DIP2C: variants seen among roughly 807,000 people sequenced by gnomAD.
DIP2C encodes DIP2 acetate--CoA ligase C (putative), also known as disco-interacting protein 2 homolog C.
DIP2C carries 33 observed loss-of-function variants against 192.4 expected under a neutral mutation model. That is an observed-to-expected ratio of 0.17 (90% CI 0.13 to 0.23). The LOEUF is 0.23. DIP2C is among the 10% of genes least tolerant of loss of function. DIP2C has a pLI of 1.00. For synonymous variants in DIP2C, 979 were observed against 864.1 expected, an observed-to-expected ratio of 1.13 and a Z score of -2.33; for missense variants, 1,537 against 2,110.1, an observed-to-expected ratio of 0.73 and a Z score of 5.32.
chr10:602,605 C>T (rs920471625), intron 1 of DIP2C, among the ~76,000 whole-genome samples: 4 of 152,186 alleles, frequency 2.6e-5, no homozygotes, highest in African/African-American at 9.7e-5. Context: ...ACCAGATCTG[C>T]AGGCACCTTG....
At position 364,569 on chromosome 10, in the gene DIP2C, G is replaced by C. The variant is rs754610292; in HGVS notation, c.2282C>G (p.Thr761Arg). 1 of 1,613,844 alleles carries C rather than the reference G, an allele frequency of 6.2e-7. No homozygotes were observed. The change falls in exon 20 of 37, where the codon ACA becomes AGA. Residue 761 changes from threonine to arginine, a missense_variant. Around this residue, in one of 4 missense-constraint regions of DIP2C, gnomAD observed 677 missense variants for 989.9 expected, o/e 0.68. Transcript: ENST00000280886. ...TKNTFEVFPM[T>R]SSGAPISEYP... is the part of the protein sequence containing the mutation. ...TTCACTGATCGGAGCCCCGGAGCTT[G>C]TCATGGGAAACACCTGGGGGAAACA...
At chr10:334,183 T>C (rs978924435) in intron 29 of DIP2C, among the ~76,000 whole-genome samples, 1 of 151,936 alleles carries the variant, frequency 6.6e-6, no homozygotes, top group Non-Finnish European at 1.5e-5. Context: ...GGTGCATGCC[T>C]GTACTTCCAG....
At chr10:545,166 C>CCTTTTTTTTTTTTTTGTTTT (rs1554896881) in intron 1 of DIP2C, among the ~76,000 whole-genome samples, 1 of 86,336 alleles carries the variant, frequency 1.2e-5, no homozygotes, top group African/African-American at 5.7e-5. Context: ...GGTGTTTTCC[C>CCTTTTTTTTTTTTTTGTTTT]TTTTTTTTTT....
At chr10:385,553 C>CAG (rs1385257492) in intron 14 of DIP2C, among the ~76,000 whole-genome samples, 1 of 152,194 alleles carries the variant, frequency 6.6e-6, no homozygotes, top group Non-Finnish European at 1.5e-5. Flanking sequence ...CTCTGAATCG[C>CAG]AGGGCTAGGG....
At position 336,620 on chromosome 10, in the gene DIP2C, T is replaced by C. The variant is rs1342571888; in HGVS notation, c.3584+4579A>G. Among the ~76,000 whole-genome samples, 6 of 152,262 alleles carry C rather than the reference T, an allele frequency of 3.9e-5. No individual in the cohort carries two copies. In the East Asian group the frequency reaches 1.2e-3, roughly 29 times the overall value. On this transcript the variant is annotated intron_variant, in intron 29 of 36. Coordinates refer to ENST00000280886, the MANE Select transcript of DIP2C (RefSeq NM_014974.3). Reference sequence around the variant, plus strand: ...TTTATGAATTTACTGTACTTTGTTATTTTACAGCATCCTCCTACTTATAAA... The same window carrying C: ...TTTATGAATTTACTGTACTTTGTTACTTTACAGCATCCTCCTACTTATAAA...
chr10:354,768 G>A (rs1013017983), intron 24 of DIP2C, among the ~76,000 whole-genome samples: 4 of 152,040 alleles, frequency 2.6e-5, no homozygotes, highest in African/African-American at 9.7e-5. Flanking sequence ...GGTGCCGAAG[G>A]AGGCTGGAGT....
intron 32 of DIP2C, among the ~76,000 whole-genome samples, chr10:290,478 G>A (rs1234862967): frequency 1.3e-5 from 2 of 152,216 alleles, no homozygotes; most frequent in East Asian, 3.8e-4. Flanking sequence ...ACAGCCAGAG[G>A]TGGCATGCAC....
intron 24 of DIP2C, among the ~76,000 whole-genome samples, chr10:349,983 A>G (rs1271757967): frequency 6.6e-6 from 1 of 152,282 alleles, no homozygotes; most frequent in African/African-American, 2.4e-5. Context: ...ATAGACTTTA[A>G]TGTACAAACA....
At chr10:389,825 T>C (rs1963311463) in intron 13 of DIP2C, among the ~76,000 whole-genome samples, 166 bp downstream of exon 13, 1 of 152,262 alleles carries the variant, frequency 6.6e-6, no homozygotes, top group Admixed American at 6.5e-5. Context: ...TAGTATTTGC[T>C]ATGGTAGGCT....
chr10:660,464 T>G (rs1303490488), intron 1 of DIP2C, among the ~76,000 whole-genome samples: 2 of 152,172 alleles, frequency 1.3e-5, no homozygotes, highest in Non-Finnish European at 2.9e-5. Flanking sequence ...TCAAGCTCTG[T>G]GTATGAAACA....
intron 29 of DIP2C, among the ~76,000 whole-genome samples, chr10:339,910 GA>G (rs1055737198): frequency 4.6e-5 from 7 of 152,314 alleles, no homozygotes; most frequent in Admixed American, 3.9e-4. Context: ...GTTGACAGGA[GA>G]AAAAAATCTG....
intron 1 of DIP2C, among the ~76,000 whole-genome samples, chr10:640,594 T>TGCCGGGACGAGGGTGCGC (rs1855118188): frequency 6.7e-6 from 1 of 150,108 alleles, no homozygotes; most frequent in Non-Finnish European, 1.5e-5. Context: ...CGAGGGTGCG[T>TGCCGGGACGAGGGTGCGC]GCCGGGACGA....
intron 3 of DIP2C, among the ~76,000 whole-genome samples, chr10:454,824 G>C (rs1969154944): frequency 6.6e-6 from 1 of 152,154 alleles, no homozygotes; most frequent in African/African-American, 2.4e-5. Flanking sequence ...AACCCTCAGA[G>C]AAAGAGGTAG....
chr10:619,132 G>A (rs1853668215), intron 1 of DIP2C, among the ~76,000 whole-genome samples: 1 of 152,146 alleles, frequency 6.6e-6, no homozygotes, highest in East Asian at 1.9e-4. Context: ...CCTTCCTTCA[G>A]TAAAACTGCA....
rs184306736 is a variant in DIP2C at position 369,703 on chromosome 10, G to A, written c.1992-70C>T. The stretch of plus-strand genomic sequence containing the variant: ...CATCACAATCACAGATGTGCAGTCA[G>A]CACACATGCGGCAGGCTGGGCACCT... On this transcript the variant is annotated intron_variant, in intron 17 of 36. Coordinates refer to ENST00000280886, the MANE Select transcript of DIP2C (RefSeq NM_014974.3). 4.3e-6 allele frequency: 7 copies of A among 1,610,994 alleles called. No individual in the cohort carries two copies. In the East Asian group the frequency reaches 8.9e-5, roughly 21 times the overall value.
At position 316,980 on chromosome 10, in the gene DIP2C, G is replaced by A. The variant is rs147521043; in HGVS notation, c.3925-6888C>T. The stretch of plus-strand genomic sequence containing the variant: ...CAGCTCTCTGATGGATCTTAGAAAC[G>A]ATGAGTCTGTGTATTAACCAGATTG... On this transcript the variant is annotated intron_variant, in intron 31 of 36. Transcript: ENST00000280886. 1.2e-3 allele frequency among the ~76,000 whole-genome samples: 182 copies of A among 152,292 alleles called. 1 individual carries two copies. The highest frequency in any genetic ancestry group is 4.0e-3 in the African/African-American group (167 of 41,552).
intron 6 of DIP2C, among the ~76,000 whole-genome samples, chr10:417,741 A>G (rs1351112646): frequency 3.1e-5 from 4 of 129,184 alleles, no homozygotes; most frequent in African/African-American, 9.8e-5. Context: ...TGCGCCTGTC[A>G]GGGCTCGGAT....
At position 384,427 on chromosome 10, in the gene DIP2C, G is replaced by A. The variant is rs1209210997; in HGVS notation, c.1756+119C>T. The stretch of plus-strand genomic sequence containing the variant: ...TAATTTTTGTATTATTAGTAGAAAC[G>A]GGGTTTCTCCATATTGGCCCGGGTG... On this transcript the variant is annotated intron_variant, in intron 15 of 36. Coordinates refer to ENST00000280886, the MANE Select transcript of DIP2C (RefSeq NM_014974.3). 5.7e-5 allele frequency: 59 copies of A among 1,028,292 alleles called. No individual in the cohort carries two copies. The East Asian group carries it at 9.3e-4, about 16-fold the overall frequency. The allele number at this position is 1,028,292 out of a possible 1,614,324, so 63.7% of individuals were successfully genotyped here.
At chr10:356,575 C>A in intron 23 of DIP2C, 69 bp from the exon 24 acceptor site, 1 of 1,336,818 alleles carries the variant, frequency 7.5e-7, no homozygotes. Context: ...TGAGGTGGGG[C>A]AACCTGGATA....
Sources: allele counts gnomAD v4.1 joint callset (sites outside exome capture counted in the v4.1 genomes callset), GRCh38; gene constraint gnomAD v4.1.1; regional missense constraint gnomAD v4.1.1; transcripts MANE v1.5; gene names NCBI Gene and HGNC (gene_info 2026-07-23, HGNC 2026-07-21).